RABGAP1: variants seen among roughly 807,000 people sequenced by gnomAD.
RABGAP1 encodes the protein rab GTPase-activating protein 1.
In RABGAP1, 23 loss-of-function variants were observed where a neutral mutation model predicts 137.6. The observed-to-expected ratio is 0.17, with a 90% CI of 0.12 to 0.24. The LOEUF is 0.24. Ranked by LOEUF, RABGAP1 falls within the 10% of genes least tolerant of loss-of-function variation. The pLI is 1.00. For synonymous variants in RABGAP1, 451 were observed against 450.7 expected, an observed-to-expected ratio of 1.00 and a Z score of -0.01; for missense variants, 906 against 1,275.8, an observed-to-expected ratio of 0.71 and a Z score of 4.42.
intron 13 of RABGAP1, among the ~76,000 whole-genome samples, chr9:123,056,473 T>G (rs1211343801): frequency 1.3e-5 from 2 of 151,424 alleles, no homozygotes; most frequent in Non-Finnish European, 2.9e-5. Flanking sequence ...TTATGCTGTT[T>G]CTTTTTTCTT....
intron 13 of RABGAP1, among the ~76,000 whole-genome samples, chr9:123,032,432 T>G (rs1164203196): frequency 6.6e-6 from 1 of 152,206 alleles, no homozygotes. Flanking sequence ...AATATTACTA[T>G]CAGGATTACG....
chr9:123,012,611 A>G lies in RABGAP1; in HGVS notation c.1549+2083A>G, dbSNP rs184946010. Among the ~76,000 whole-genome samples the G allele has an allele frequency of 9.6e-4, 146 of 152,346 alleles. 2 individuals are homozygous for G. Among genetic ancestry groups the G allele is most frequent in the Admixed American group, 8.1e-3 (124 of 15,298 alleles). ...GATAGTTCTTAACTAGGGAGAGATA[A>G]GGACTAATGGCAGTGTGTACCCCTT... On this transcript the variant is annotated intron_variant, in intron 11 of 25. Coordinates refer to ENST00000373647, the MANE Select transcript of RABGAP1 (RefSeq NM_012197.4).
chr9:122,934,145 T>C, the RABGAP1 span, among the ~76,000 whole-genome samples: 36 of 140,214 alleles, frequency 2.6e-4, no homozygotes, highest in Non-Finnish European at 4.1e-4. Flanking sequence ...TGGCGTGATC[T>C]CGGCTCACTG....
intron 13 of RABGAP1, among the ~76,000 whole-genome samples, chr9:123,022,696 C>T (rs686661): frequency 0.62 from 94,857 of 151,992 alleles, 36,903 homozygotes; most frequent in Non-Finnish European, 0.87. Flanking sequence ...TGAGCCACCG[C>T]GCCCGGCCCC....
At chr9:122,978,101 A>G (rs1835857415) in intron 2 of RABGAP1, among the ~76,000 whole-genome samples, 1 of 151,862 alleles carries the variant, frequency 6.6e-6, no homozygotes, top group South Asian at 2.1e-4. Flanking sequence ...GTAAAGTCTC[A>G]TGTAACGACC....
intron 2 of RABGAP1, among the ~76,000 whole-genome samples, chr9:122,979,189 C>T (rs149004171): frequency 9.8e-4 from 149 of 152,254 alleles, no homozygotes; most frequent in African/African-American, 2.7e-3. Flanking sequence ...TGAACCACTG[C>T]GCCCAGACTA....
intron 10 of RABGAP1, among the ~76,000 whole-genome samples, chr9:123,004,000 G>A (rs2029966056): frequency 1.3e-4 from 20 of 152,306 alleles, no homozygotes; most frequent in Admixed American, 1.3e-3. Context: ...CAGATAATTA[G>A]TATAACTATA....
Position 123,103,961 on chromosome 9 carries a change from GTT to G in RABGAP1, c.*750_*751del, listed in dbSNP as rs1491128843. The G allele has an allele frequency of 1.6e-5, 1 of 60,634 alleles. No homozygotes were observed. Among genetic ancestry groups the G allele is most frequent in the Non-Finnish European group, 3.9e-5 (1 of 25,624 alleles). The allele number at this position is 60,634 out of a possible 1,614,324, so 3.8% of individuals were successfully genotyped here. A position where few individuals can be genotyped will look rare whatever the true frequency, so the allele number is the denominator to read the frequency against. On this transcript the variant is annotated 3_prime_UTR_variant, in exon 26 of 26. Coordinates refer to ENST00000373647, the MANE Select transcript of RABGAP1 (RefSeq NM_012197.4). ...GGACAAATCTTATTTTGCTTAATGT[GTT>G]TGTGTGTGTGTGTGTGTGTGTGTGT...
intron 1 of RABGAP1, among the ~76,000 whole-genome samples, chr9:122,950,526 A>G (rs1564352496): frequency 1.3e-5 from 2 of 151,978 alleles, no homozygotes; most frequent in Non-Finnish European, 2.9e-5. Flanking sequence ...TAGGACGCAT[A>G]TAGTAGAGCC....
intron 13 of RABGAP1, among the ~76,000 whole-genome samples, chr9:123,039,304 C>G (rs997527291): frequency 6.6e-6 from 1 of 152,154 alleles, no homozygotes; most frequent in African/African-American, 2.4e-5. Context: ...ACTTCCTTCA[C>G]TTGTCATCAA....
intron 11 of RABGAP1, among the ~76,000 whole-genome samples, chr9:123,010,981 G>A (rs1023961769): frequency 6.7e-6 from 1 of 150,370 alleles, no homozygotes; most frequent in Non-Finnish European, 1.5e-5. Flanking sequence ...ACTGATAAAC[G>A]TTAAGAATCC....
intron 21 of RABGAP1, among the ~76,000 whole-genome samples, chr9:123,096,185 T>C (rs1274232029): frequency 6.6e-6 from 1 of 152,238 alleles, no homozygotes; most frequent in Non-Finnish European, 1.5e-5. Flanking sequence ...CATTTTTCTT[T>C]TTCTCCTTTT....
At chr9:122,949,647 A>G (rs1205437806) in intron 1 of RABGAP1, among the ~76,000 whole-genome samples, 1 of 150,704 alleles carries the variant, frequency 6.6e-6, no homozygotes, top group East Asian at 1.9e-4. Context: ...GTGAGCCAAG[A>G]TCATACCACT....
At chr9:122,980,924 A>C (rs1330116048) in intron 2 of RABGAP1, among the ~76,000 whole-genome samples, 1 of 152,042 alleles carries the variant, frequency 6.6e-6, no homozygotes, top group Non-Finnish European at 1.5e-5. Context: ...GCCTATGTGG[A>C]CCCTCTGGTA....
rs548450262 is a variant in RABGAP1 at position 123,027,404 on chromosome 9, G to A, written c.1794+6945G>A. Reference sequence around the variant, plus strand: ...GCTGGGATTACAGGCGTGAGCCACCGTGCCCTGCCAACCAATATTTACATT... The same window carrying A: ...GCTGGGATTACAGGCGTGAGCCACCATGCCCTGCCAACCAATATTTACATT... On this transcript the variant is annotated intron_variant, in intron 13 of 25. Coordinates refer to ENST00000373647, the MANE Select transcript of RABGAP1 (RefSeq NM_012197.4). Among the ~76,000 whole-genome samples, 8 of 152,242 alleles carry A rather than the reference G, an allele frequency of 5.3e-5. No individual in the cohort carries two copies. In the East Asian group the frequency reaches 1.2e-3, roughly 22 times the overall value.
At chr9:123,084,236 G>T (rs2034800569) in intron 19 of RABGAP1, among the ~76,000 whole-genome samples, 1 of 152,206 alleles carries the variant, frequency 6.6e-6, no homozygotes, top group Non-Finnish European at 1.5e-5. Context: ...AAAGTCCTGA[G>T]TAAATCTCAG....
At chr9:123,011,388 T>G (rs2030794606) in intron 11 of RABGAP1, among the ~76,000 whole-genome samples, 1 of 152,190 alleles carries the variant, frequency 6.6e-6, no homozygotes, top group Admixed American at 6.5e-5. Flanking sequence ...GAAGTTGCAT[T>G]AACAAAAGCA....
chr9:122,994,383 C>G (rs1429481357), intron 6 of RABGAP1, among the ~76,000 whole-genome samples: 3 of 152,282 alleles, frequency 2.0e-5, no homozygotes, highest in African/African-American at 7.2e-5. Context: ...ACCAGTGTAT[C>G]TATTACAAGT....
At chr9:122,960,060 G>A (rs901337994) in intron 2 of RABGAP1, among the ~76,000 whole-genome samples, 1 of 152,180 alleles carries the variant, frequency 6.6e-6, no homozygotes, top group Non-Finnish European at 1.5e-5. Flanking sequence ...TAAGCCTAAG[G>A]TTACTCTAAA....
Sources: allele counts gnomAD v4.1 joint callset (sites outside exome capture counted in the v4.1 genomes callset), GRCh38; gene constraint gnomAD v4.1.1; transcripts MANE v1.5; gene names NCBI Gene and HGNC (gene_info 2026-07-23, HGNC 2026-07-21).